EHBP1L1: variants seen among roughly 807,000 people sequenced by gnomAD.
The protein encoded by EHBP1L1 is EH domain-binding protein 1-like protein 1.
Under a neutral mutation model 151.1 loss-of-function variants are expected in EHBP1L1, and 122 were observed. That is an observed-to-expected ratio of 0.81 (90% confidence interval 0.70 to 0.94). EHBP1L1 has a LOEUF of 0.94. Among genes scored for constraint, EHBP1L1 ranks in the 40% least tolerant of loss-of-function variants. The probability of loss-of-function intolerance (pLI) is 0.00; values close to 1 mark genes in which losing one functional copy is unlikely to be tolerated. For missense variants in EHBP1L1, 1,941 were observed against 1,959.8 expected (o/e 0.99, Z 0.18); for synonymous variants, 878 against 810.1 (o/e 1.08, Z -1.42).
intron 12 of EHBP1L1, among the ~76,000 whole-genome samples, chr11:65,586,517 T>C (rs2135303281): frequency 6.6e-6 from 1 of 152,272 alleles, no homozygotes; most frequent in African/African-American, 2.4e-5. Context: ...GATGGCCAGG[T>C]TTTTCCCAGG....
At chr11:65,581,400 C>T (rs781436378) in intron 8 of EHBP1L1, 27 bp downstream of exon 8, 7 of 1,507,840 alleles carry the variant, frequency 4.6e-6, no homozygotes, top group Non-Finnish European at 6.2e-6. Flanking sequence ...GCCTCACCCC[C>T]CATTGCCCCC....
intron 1 of EHBP1L1, 117 bp downstream of exon 1, chr11:65,576,523 C>G (rs1857334964): frequency 2.2e-6 from 2 of 893,904 alleles, no homozygotes; most frequent in South Asian, 1.7e-5. Context: ...CCCACCCCAG[C>G]TTGGGCCCTG....
At chr11:65,590,312 C>G (rs892986598) in intron 15 of EHBP1L1, 102 bp downstream of exon 15, 12 of 1,543,766 alleles carry the variant, frequency 7.8e-6, no homozygotes, top group Non-Finnish European at 1.0e-5. Context: ...GGAGGCACGG[C>G]TGGCATCAGC....
chr11:65,589,396 A>C (rs911207831), intron 12 of EHBP1L1, among the ~76,000 whole-genome samples: 1 of 152,090 alleles, frequency 6.6e-6, no homozygotes. Context: ...CATCTCAAAA[A>C]AAGAGAGTAG....
chr11:65,582,479 G>A lies in EHBP1L1; in HGVS notation c.1807G>A (p.Glu603Lys), dbSNP rs1204665661. 6.2e-7 allele frequency: 1 copy of A among 1,613,042 alleles called. No homozygotes were observed. Among genetic ancestry groups the A allele is most frequent in the Non-Finnish European group, 8.5e-7 (1 of 1,179,834 alleles). The change falls in exon 9 of 19, where the codon GAG (glutamate) becomes AAG (lysine). Residue 603 changes from glutamate (E) to lysine (K), a missense_variant. Physicochemically the swap from Glu to Lys is moderately conservative, Grantham distance 56 (BLOSUM62 1). Coordinates refer to ENST00000309295, the MANE Select transcript of EHBP1L1 (RefSeq NM_001099409.3). ...GFPETRTLEI[E>K]ILGALEKEAA... ...CCCAGAGACTAGGACACTAGAAATT[G>A]AGATATTGGGGGCCTTGGAGAAAGA...
Position 65,581,318 on chromosome 11 carries a change from G to A in EHBP1L1, c.811G>A (p.Gly271Arg). ...GGGGTCAGAACGAGCTAATGAAGCG[G>A]GGGGCCAGGTAGGCCCTGAGGCCCC... ...GQGSERANEA[G>R]GQVGPEAPRP... The change falls in exon 8 of 19, where the codon GGG (glycine) becomes AGG (arginine). Residue 271 changes from glycine (G) to arginine (R), a missense_variant. Transcript: ENST00000309295. 1 of 1,610,488 alleles carries A rather than the reference G, an allele frequency of 6.2e-7. No homozygotes were observed. The highest frequency in any genetic ancestry group is 8.5e-7 in the Non-Finnish European group (1 of 1,178,894).
In EHBP1L1 at chr11:65,584,545, G is replaced by T; in HGVS notation, c.3300+11G>T. On this transcript the variant is annotated intron_variant, in intron 11 of 18. Transcript: ENST00000309295. ...CAGAACAACAAGCAGGTGAGATGGG[G>T]TGGGGGACTGCCTGGAGGGAAGGAG... The T allele has an allele frequency of 6.2e-7, 1 of 1,609,858 alleles. No individual in the cohort carries two copies. Among genetic ancestry groups the T allele is most frequent in the East Asian group, 2.2e-5 (1 of 44,738 alleles).
intron 11 of EHBP1L1, 133 bp downstream of exon 11, chr11:65,584,667 G>A: frequency 8.2e-7 from 1 of 1,225,382 alleles, no homozygotes; most frequent in Non-Finnish European, 1.2e-6. Context: ...TTACCCCTTT[G>A]GTCATTAAAT....
chr11:65,586,555 T>C (rs878981273), intron 12 of EHBP1L1, among the ~76,000 whole-genome samples: 3 of 152,122 alleles, frequency 2.0e-5, no homozygotes, highest in Admixed American at 6.5e-5. Context: ...TCTCAAATGG[T>C]GGGAACTGCA....
In EHBP1L1 at chr11:65,581,140, T is replaced by C. The variant is rs772366488; in HGVS notation, c.703+14T>C. The C allele has an allele frequency of 1.2e-6, 2 of 1,612,756 alleles. No individual in the cohort carries two copies. The highest frequency in any genetic ancestry group is 2.2e-5 in the East Asian group (1 of 44,856). On this transcript the variant is annotated intron_variant, in intron 7 of 18. Coordinates refer to ENST00000309295, the MANE Select transcript of EHBP1L1 (RefSeq NM_001099409.3). The stretch of plus-strand genomic sequence containing the variant: ...CCCAGCAGGCAGGTGAGACCCAGGC[T>C]GGGGTTGGGGGTGGAGACTGGACCC...
rs547672209 is a variant in EHBP1L1, at chr11:65,587,500, G to A, written c.3933+1909G>A. ...CCACTCTCCTGCTTCTGCCTGTCCC[G>A]TCAGCTCAGCACTCTTTATGTGCCT... On this transcript the variant is annotated intron_variant, in intron 12 of 18. Coordinates refer to ENST00000309295, the MANE Select transcript of EHBP1L1 (RefSeq NM_001099409.3). 1.4e-4 allele frequency among the ~76,000 whole-genome samples: 22 copies of A among 152,296 alleles called. No individual in the cohort carries two copies. The East Asian group carries it at 4.1e-3, about 28-fold the overall frequency.
intron 11 of EHBP1L1, 62 bp from the exon 12 acceptor site, chr11:65,584,897 G>T (rs1857851897): frequency 7.9e-6 from 12 of 1,521,006 alleles, no homozygotes; most frequent in African/African-American, 1.4e-5. Context: ...GGGCGGCACT[G>T]CAGCGTTGCC....
At chr11:65,584,571 G>T in intron 11 of EHBP1L1, 37 bp downstream of exon 11, 3 of 1,598,734 alleles carry the variant, frequency 1.9e-6, no homozygotes, top group Non-Finnish European at 2.6e-6. Context: ...AGGGAAGGAG[G>T]GTCTGGAGAG....
At position 65,592,305 on chromosome 11, in the gene EHBP1L1, C is replaced by T; in HGVS notation, c.*3C>T. ...GGGAGCGCTGCGTGCTGAGCTGAGG[C>T]CGCCGGCCCGGGTGGCCCATAACTT... On this transcript the variant is annotated 3_prime_UTR_variant, in exon 19 of 19. Coordinates refer to ENST00000309295, the MANE Select transcript of EHBP1L1 (RefSeq NM_001099409.3). 1 of 1,477,786 alleles carries T rather than the reference C, an allele frequency of 6.8e-7. No individual in the cohort carries two copies. Among genetic ancestry groups the T allele is most frequent in the Non-Finnish European group, 8.9e-7 (1 of 1,123,644 alleles). The allele number at this position is 1,477,786 out of a possible 1,614,324, so 91.5% of individuals were successfully genotyped here.
chr11:65,584,547 G>C lies in EHBP1L1; in HGVS notation c.3300+13G>C, dbSNP rs199502631. 1 of 1,609,360 alleles carries C rather than the reference G, an allele frequency of 6.2e-7. No individual in the cohort carries two copies. Among genetic ancestry groups the C allele is most frequent in the African/African-American group, 1.3e-5 (1 of 74,808 alleles). On this transcript the variant is annotated intron_variant, in intron 11 of 18. Transcript: ENST00000309295. ...GAACAACAAGCAGGTGAGATGGGGT[G>C]GGGGACTGCCTGGAGGGAAGGAGGG...
chr11:65,590,838 C>G lies in EHBP1L1; in HGVS notation c.4283+246C>G, dbSNP rs111248636. Among the ~76,000 whole-genome samples the G allele has an allele frequency of 5.8e-3, 877 of 150,898 alleles. 11 individuals carry two copies. Among genetic ancestry groups the G allele is most frequent in the African/African-American group, 0.021 (840 of 40,972 alleles). ...ATCATCTGAGGTCAGGAGTTCAAGA[C>G]CAGCCAACATGGTGAAACCCCATCT... On this transcript the variant is annotated intron_variant, in intron 16 of 18. Transcript: ENST00000309295.
chr11:65,585,169 G>C lies in EHBP1L1; in HGVS notation c.3511G>C (p.Asp1171His). 1 of 1,329,676 alleles carries C rather than the reference G, an allele frequency of 7.5e-7. No homozygotes were observed. Among genetic ancestry groups the C allele is most frequent in the East Asian group, 3.4e-5 (1 of 29,690 alleles). The allele number at this position is 1,329,676 out of a possible 1,614,324, so 82.4% of individuals were successfully genotyped here. Residue 1171 changes from aspartate to histidine, a missense_variant, in exon 12 of 19, where the codon GAC (aspartate) becomes CAC (histidine). Asp to His is a moderately conservative substitution (Grantham distance 81). Coordinates refer to ENST00000309295, the MANE Select transcript of EHBP1L1 (RefSeq NM_001099409.3). This position sits in a 1 kb window ranked among gnomAD's most constrained non-coding sequence, Gnocchi z 4.0. Reference sequence around the variant, plus strand: ...GGGCAGCGCCCAGCCCAGCCCGCCCGACGACCTGGACGCCGGAGGCCTGGC... The same window carrying C: ...GGGCAGCGCCCAGCCCAGCCCGCCCCACGACCTGGACGCCGGAGGCCTGGC... ...RVGSAQPSPP[D>H]DLDAGGLAQR...
chr11:65,592,248 G>A lies in EHBP1L1; in HGVS notation c.4518G>A (p.Arg1506=). The change falls in exon 19 of 19, where the codon CGG becomes CGA. Residue 1506 remains arginine, a synonymous_variant. Coordinates refer to ENST00000309295, the MANE Select transcript of EHBP1L1 (RefSeq NM_001099409.3). ...GCCTGGAGCGCGGCCTGGAACAGCGGCGCCGCAAGCTGAGCCGGCAGTTGA... is the reference window on the plus strand; with the variant it reads ...GCCTGGAGCGCGGCCTGGAACAGCGACGCCGCAAGCTGAGCCGGCAGTTGA... ...DERLERGLEQ[R]RRKLSRQLSR... 6.5e-7 allele frequency: 1 copy of A among 1,534,554 alleles called. No individual in the cohort carries two copies. Among genetic ancestry groups the A allele is most frequent in the Non-Finnish European group, 8.7e-7 (1 of 1,146,518 alleles).
chr11:65,585,466 G>C lies in EHBP1L1; in HGVS notation c.3808G>C (p.Ala1270Pro), dbSNP rs1210641355. ...GEPGSVPPPRAHGSFSHVRDA... is the reference protein window; with the variant it reads ...GEPGSVPPPRPHGSFSHVRDA... ...GCCCGGGTCGGTGCCCCCGCCCCGCGCGCACGGCTCCTTCTCCCACGTGCG... is the reference window on the plus strand; with the variant it reads ...GCCCGGGTCGGTGCCCCCGCCCCGCCCGCACGGCTCCTTCTCCCACGTGCG... Residue 1270 changes from alanine to proline, a missense_variant, in exon 12 of 19, where the codon GCG becomes CCG. Physicochemically the swap from Ala to Pro is conservative, Grantham distance 27 (BLOSUM62 -1). Transcript: ENST00000309295. This position sits in a 1 kb window ranked among gnomAD's most constrained non-coding sequence, Gnocchi z 4.0. 1.3e-6 allele frequency: 2 copies of C among 1,532,172 alleles called. No homozygotes were observed. Among genetic ancestry groups the C allele is most frequent in the Admixed American group, 2.0e-5 (1 of 50,890 alleles). The allele number at this position is 1,532,172 out of a possible 1,614,324, so 94.9% of individuals were successfully genotyped here.
Sources: allele counts gnomAD v4.1 joint callset (sites outside exome capture counted in the v4.1 genomes callset), GRCh38; gene constraint gnomAD v4.1.1; non-coding constraint Gnocchi (gnomAD v3.1); transcripts MANE v1.5; gene names NCBI Gene and HGNC (gene_info 2026-07-23, HGNC 2026-07-21).